MAD1L1: variants seen among roughly 807,000 people sequenced by gnomAD.
MAD1L1 encodes the protein mitotic arrest deficient 1 like 1.
Under a neutral mutation model 96.9 loss-of-function variants are expected in MAD1L1, and 95 were observed. That is an observed-to-expected ratio of 0.98 (90% CI 0.83 to 1.16). The LOEUF (loss-of-function observed/expected upper bound fraction) is 1.16. Ranked by LOEUF, MAD1L1 falls within the 50% of genes most tolerant of loss-of-function variation. MAD1L1 has a pLI of 0.00. For missense variants in MAD1L1, 1,007 were observed against 954.4 expected, an observed-to-expected ratio of 1.06 and a Z score of -0.73; for synonymous variants, 473 against 396.6, an observed-to-expected ratio of 1.19 and a Z score of -2.29.
At chr7:1,918,043 A>G (rs778451885) in intron 17 of MAD1L1, among the ~76,000 whole-genome samples, 10 of 152,140 alleles carry the variant, frequency 6.6e-5, no homozygotes, top group Non-Finnish European at 1.2e-4. Context: ...TCGTGGGCCC[A>G]CATATCACAC....
intron 17 of MAD1L1, among the ~76,000 whole-genome samples, chr7:1,914,323 G>A (rs1322794518): frequency 1.3e-5 from 2 of 152,240 alleles, no homozygotes; most frequent in African/African-American, 4.8e-5. Flanking sequence ...GGGCAGGGAT[G>A]GTGAGACCAC....
intron 18 of MAD1L1, among the ~76,000 whole-genome samples, chr7:1,851,716 C>T (rs535056876): frequency 5.7e-4 from 87 of 152,234 alleles, no homozygotes; most frequent in African/African-American, 2.0e-3. Context: ...TCAGTGCCGG[C>T]GACCTCTGCT....
chr7:1,896,352 T>C (rs7791899), intron 18 of MAD1L1, among the ~76,000 whole-genome samples: 23,280 of 152,216 alleles, frequency 0.15, 2,204 homozygotes, highest in South Asian at 0.28. Context: ...GCTGAGATGC[T>C]GGCTCGAGCA....
intron 11 of MAD1L1, chr7:2,148,570 C>T (rs1434838608): frequency 6.6e-6 from 1 of 152,518 alleles, no homozygotes; most frequent in African/African-American, 2.4e-5. Flanking sequence ...ATTTCCGCCT[C>T]TGGGTGTGAT....
At chr7:1,887,848 CGTGTGTGTGTGCACGTGT>C (rs1562491878) in intron 18 of MAD1L1, among the ~76,000 whole-genome samples, 1 of 85,190 alleles carries the variant, frequency 1.2e-5, no homozygotes, top group Non-Finnish European at 2.0e-5. Flanking sequence ...GCGTCCTGTG[CGTGTGTGTGTGCACGTGT>C]GTGTGCAAGC....
At chr7:2,219,186 C>T (rs1793451631) in intron 6 of MAD1L1, 146 bp downstream of exon 6, 13 of 770,570 alleles carry the variant, frequency 1.7e-5, no homozygotes, top group Non-Finnish European at 2.2e-5. Flanking sequence ...GCTCCAGAGG[C>T]CTCAGCATCT....
rs866109379 is a variant in MAD1L1, at chr7:1,992,160, G to A, written c.1416+9905C>T. On this transcript the variant is annotated intron_variant, in intron 14 of 18. Transcript: ENST00000265854. ...GCCTGAGCACCTGCCCCACCAGAGCGCCACTGCTGGCCTCATGAGCACCGC... is the reference window on the plus strand; with the variant it reads ...GCCTGAGCACCTGCCCCACCAGAGCACCACTGCTGGCCTCATGAGCACCGC... 3.4e-4 allele frequency among the ~76,000 whole-genome samples: 50 copies of A among 149,214 alleles called. 1 individual carries two copies. The highest frequency in any genetic ancestry group is 1.1e-3 in the African/African-American group (43 of 40,078).
chr7:2,097,236 G>T (rs924754432), intron 11 of MAD1L1, among the ~76,000 whole-genome samples: 10 of 151,942 alleles, frequency 6.6e-5, no homozygotes, highest in Admixed American at 1.3e-4. Context: ...CCACCCCACG[G>T]CACCCAAGCA....
chr7:2,036,328 C>T (rs1783433886), intron 12 of MAD1L1, among the ~76,000 whole-genome samples: 2 of 151,680 alleles, frequency 1.3e-5, no homozygotes, highest in African/African-American at 4.9e-5. Flanking sequence ...CGGGACAGAG[C>T]TGGGGTCCAG....
intron 9 of MAD1L1, among the ~76,000 whole-genome samples, chr7:2,213,846 G>T (rs532819263): frequency 1.3e-5 from 2 of 152,322 alleles, no homozygotes; most frequent in African/African-American, 4.8e-5. Flanking sequence ...CCCATGCTGA[G>T]CCGCATCCCA....
chr7:1,945,622 G>C (rs1262961332), intron 16 of MAD1L1, among the ~76,000 whole-genome samples: 1 of 152,352 alleles, frequency 6.6e-6, no homozygotes, highest in East Asian at 1.9e-4. Flanking sequence ...GCGGCCATCT[G>C]CAGACGCCAT....
intron 18 of MAD1L1, chr7:1,845,154 C>T (rs1783525745): frequency 6.6e-6 from 1 of 152,310 alleles, no homozygotes; most frequent in South Asian, 2.1e-4. Flanking sequence ...ATACGCTGAC[C>T]AGCTACTTGA....
chr7:1,927,809 C>A (rs1583813607), intron 17 of MAD1L1, among the ~76,000 whole-genome samples: 1 of 152,240 alleles, frequency 6.6e-6, no homozygotes, highest in South Asian at 2.1e-4. Context: ...AAAAGAAAAC[C>A]TGATCATCAG....
chr7:2,194,871 C>G (rs927047198), intron 10 of MAD1L1, among the ~76,000 whole-genome samples: 45 of 152,142 alleles, frequency 3.0e-4, no homozygotes, highest in Non-Finnish European at 1.9e-4. Context: ...GTTAGGAGTT[C>G]AAGACCATCC....
intron 18 of MAD1L1, among the ~76,000 whole-genome samples, chr7:1,876,450 T>C (rs1785392490): frequency 6.6e-6 from 1 of 151,398 alleles, no homozygotes. Context: ...AAAAGGACTC[T>C]GGTTAGGGCT....
intron 12 of MAD1L1, among the ~76,000 whole-genome samples, chr7:2,053,683 G>A (rs2128519267): frequency 6.6e-6 from 1 of 152,308 alleles, no homozygotes; most frequent in Non-Finnish European, 1.5e-5. Context: ...GGCCAACAGG[G>A]TACAGGGCCA....
chr7:1,960,827 G>T (rs554462286), intron 15 of MAD1L1, among the ~76,000 whole-genome samples: 6 of 152,282 alleles, frequency 3.9e-5, no homozygotes, highest in African/African-American at 1.4e-4. Flanking sequence ...ACTCTTAAGA[G>T]CAGGAGACCC....
At chr7:2,047,068 G>A (rs1783956761) in intron 12 of MAD1L1, among the ~76,000 whole-genome samples, 1 of 152,218 alleles carries the variant, frequency 6.6e-6, no homozygotes, top group Non-Finnish European at 1.5e-5. Context: ...ACTGTTTACT[G>A]CGTGCCACCC....
rs75619137 is a variant in MAD1L1 at position 2,065,764 on chromosome 7, C to A, written c.1218+3430G>T. Among the ~76,000 whole-genome samples the A allele has an allele frequency of 3.9e-3, 593 of 152,338 alleles. 2 individuals carry two copies. The Middle Eastern group carries it at 0.068, about 17-fold the overall frequency. On this transcript the variant is annotated intron_variant, in intron 12 of 18. Coordinates refer to ENST00000265854, the MANE Select transcript of MAD1L1 (RefSeq NM_001013836.2). ...TGGACACCCAGCGTCAACTGCTCCC[C>A]CCAAGCCTGGGGCCTCCAGTAACTG... is the stretch of plus-strand genomic sequence containing the variant.
Sources: allele counts gnomAD v4.1 joint callset (sites outside exome capture counted in the v4.1 genomes callset), GRCh38; gene constraint gnomAD v4.1.1; transcripts MANE v1.5; gene names NCBI Gene and HGNC (gene_info 2026-07-23, HGNC 2026-07-21).